The following DNAH12 variants were observed in gnomAD, a reference collection of about 807,000 sequenced individuals.
DNAH12 encodes the protein axonemal beta dynein heavy chain 12.
DNAH12 carries 285 observed loss-of-function variants against 371.5 expected under a neutral mutation model. The observed-to-expected ratio is 0.77, with a 90% CI of 0.70 to 0.85. The LOEUF is 0.85. Among genes scored for constraint, DNAH12 ranks in the 40% least tolerant of loss-of-function variants. The probability of loss-of-function intolerance (pLI) is 0.00; values close to 1 mark genes in which losing one functional copy is unlikely to be tolerated. For synonymous variants in DNAH12, 1,200 were observed against 1,213.0 expected (o/e 0.99, Z 0.22); for missense variants, 3,611 against 3,689.4 (o/e 0.98, Z 0.55).
chr3:57,325,139 G>A (rs1257970329), intron 62 of DNAH12, among the ~76,000 whole-genome samples: 1 of 152,216 alleles, frequency 6.6e-6, no homozygotes, highest in Admixed American at 6.5e-5. Context: ...ACCTCTGGGG[G>A]CAGGGCACAG....
At chr3:57,482,076 C>G (rs1024277638) in intron 13 of DNAH12, among the ~76,000 whole-genome samples, 1 of 152,076 alleles carries the variant, frequency 6.6e-6, no homozygotes, top group Non-Finnish European at 1.5e-5. Flanking sequence ...CAAATGGGAT[C>G]TAATTAAACT....
intron 40 of DNAH12, among the ~76,000 whole-genome samples, chr3:57,406,313 C>G (rs369353673): frequency 3.9e-4 from 56 of 142,968 alleles, no homozygotes; most frequent in Non-Finnish European, 6.6e-4. Flanking sequence ...GCCAAGATCA[C>G]GCCATTGCAC....
rs1369068721 is a variant in DNAH12 at position 57,480,078 on chromosome 3, A to T, written c.1650+3298T>A. Among the ~76,000 whole-genome samples the T allele has an allele frequency of 4.6e-5, 7 of 152,352 alleles. No individual in the cohort carries two copies. In the East Asian group the frequency reaches 1.3e-3, roughly 29 times the overall value. On this transcript the variant is annotated intron_variant, in intron 13 of 73. Transcript: ENST00000495027. ...CAAGAAACAACTAAGATCAGAGCAG[A>T]ACTGAAGGAAATAGAGACATAAAAA...
chr3:57,295,462 G>A, intron 73 of DNAH12, 63 bp downstream of exon 73: 1 of 1,386,432 alleles, frequency 7.2e-7, no homozygotes, highest in Admixed American at 2.3e-5. Flanking sequence ...TTGGGGAGCA[G>A]TGTATAATAT....
rs1316942589 is a variant in DNAH12, at chr3:57,433,427, A to G, written c.4920T>C (p.Asp1640=). ...ETPDRKWVVF[D]GPIDTLWIES... is the part of the protein sequence containing the mutation. Reference sequence around the variant, plus strand: ...CTATCCACAAAGTGTCAATAGGACCATCAAATACAACCCATTTCCGGTCAG... The same window carrying G: ...CTATCCACAAAGTGTCAATAGGACCGTCAAATACAACCCATTTCCGGTCAG... Residue 1640 remains aspartate (D), a synonymous_variant, in exon 32 of 74, where the codon GAT becomes GAC. Transcript: ENST00000495027. 14 of 1,551,468 alleles carry G rather than the reference A, an allele frequency of 9.0e-6. No individual in the cohort carries two copies. Among genetic ancestry groups the G allele is most frequent in the Non-Finnish European group, 1.2e-5 (14 of 1,146,934 alleles).
intron 33 of DNAH12, among the ~76,000 whole-genome samples, chr3:57,429,422 C>T (rs1353318135): frequency 2.0e-5 from 3 of 152,068 alleles, no homozygotes; most frequent in Admixed American, 6.6e-5. Context: ...GTGATCTGCC[C>T]GCCTCAGCCT....
intron 1 of DNAH12, among the ~76,000 whole-genome samples, chr3:57,543,974 G>A (rs2069414097): frequency 6.6e-6 from 1 of 152,130 alleles, no homozygotes; most frequent in Non-Finnish European, 1.5e-5. Flanking sequence ...TTGAACCTGG[G>A]AGGCAGAGGT....
At chr3:57,555,015 G>A in the DNAH12 span, among the ~76,000 whole-genome samples, 1 of 152,114 alleles carries the variant, frequency 6.6e-6, no homozygotes, top group Non-Finnish European at 1.5e-5. Flanking sequence ...GGAGGGTAAG[G>A]CGGGGGGCTT....
intron 13 of DNAH12, among the ~76,000 whole-genome samples, chr3:57,478,548 C>T (rs2066617589): frequency 6.6e-6 from 1 of 152,234 alleles, no homozygotes; most frequent in Non-Finnish European, 1.5e-5. Context: ...GGCAGGCCAA[C>T]ATTCAAATTC....
intron 2 of DNAH12, chr3:57,536,180 A>G (rs948909755): frequency 6.8e-6 from 1 of 146,350 alleles, no homozygotes; most frequent in Admixed American, 6.9e-5. Flanking sequence ...GTATTCAGTT[A>G]TAGCAATAAA....
intron 57 of DNAH12, among the ~76,000 whole-genome samples, chr3:57,364,453 T>C (rs2063002732): frequency 6.6e-6 from 1 of 152,160 alleles, no homozygotes; most frequent in Non-Finnish European, 1.5e-5. Context: ...CCAGAAGCAA[T>C]TCTTTACTAG....
chr3:57,309,830 CA>C lies in DNAH12; in HGVS notation c.10920del (p.Glu3641ArgfsTer46). 4 of 1,548,008 alleles carry C rather than the reference CA, an allele frequency of 2.6e-6. No homozygotes were observed. Among genetic ancestry groups the C allele is most frequent in the Non-Finnish European group, 2.6e-6 (3 of 1,146,052 alleles). On this transcript the variant is annotated frameshift_variant, in exon 68 of 74. Coordinates refer to ENST00000495027, the MANE Select transcript of DNAH12 (RefSeq NM_001366028.2). LOFTEE classifies it high-confidence loss of function. ...FIKKLPFTQHPEIFGLHENVD... is the reference protein window; with the variant it reads ...FIKKLPFTQHXEIFGLHENVD... ...ACGTTTTCATGTAATCCAAATATCT[CA>C]GGGTGTTGAGTAAATGGAAGTTTCT...
chr3:57,505,296 C>T (rs1483082639), intron 8 of DNAH12, among the ~76,000 whole-genome samples: 1 of 146,534 alleles, frequency 6.8e-6, no homozygotes, highest in African/African-American at 2.5e-5. Context: ...GGTAACCATC[C>T]TTCTACTCTT....
At chr3:57,345,762 C>T (rs1553657849) in intron 60 of DNAH12, among the ~76,000 whole-genome samples, 6 of 152,104 alleles carry the variant, frequency 3.9e-5, no homozygotes. Context: ...TGATAAATTT[C>T]AACTTTTTGT....
At chr3:57,554,724 T>C in the DNAH12 span, among the ~76,000 whole-genome samples, 5 of 152,106 alleles carry the variant, frequency 3.3e-5, no homozygotes, top group Non-Finnish European at 7.3e-5. Context: ...CAAGCGATTC[T>C]CCTGCCTCAG....
At chr3:57,528,589 A>C (rs1457710837) in intron 2 of DNAH12, among the ~76,000 whole-genome samples, 1 of 123,706 alleles carries the variant, frequency 8.1e-6, no homozygotes. Context: ...GCCAGGTGTG[A>C]TGGGGCATGC....
At chr3:57,401,718 A>G (rs182475038) in intron 43 of DNAH12, among the ~76,000 whole-genome samples, 31 of 152,180 alleles carry the variant, frequency 2.0e-4, no homozygotes, top group Non-Finnish European at 2.1e-4. Context: ...AGTGGAGATG[A>G]ATGAAATAGA....
chr3:57,397,104 T>G (rs2153349508), intron 43 of DNAH12, among the ~76,000 whole-genome samples: 1 of 152,296 alleles, frequency 6.6e-6, no homozygotes, highest in East Asian at 1.9e-4. Context: ...ACAATAATCT[T>G]TGAAATAGGT....
intron 42 of DNAH12, among the ~76,000 whole-genome samples, 200 bp downstream of exon 42, chr3:57,404,769 C>G (rs147251296): frequency 0.017 from 2,607 of 152,116 alleles, 77 homozygotes; most frequent in African/African-American, 0.058. Flanking sequence ...CACTACTACT[C>G]GTATGACACA....
Sources: allele counts gnomAD v4.1 joint callset (sites outside exome capture counted in the v4.1 genomes callset), GRCh38; gene constraint gnomAD v4.1.1; transcripts MANE v1.5; gene names NCBI Gene and HGNC (gene_info 2026-07-23, HGNC 2026-07-21).